Variants in GORAB observed in about 807,000 individuals in gnomAD.
GORAB encodes the protein RAB6-interacting golgin.
A neutral mutation model predicts 29.9 loss-of-function variants in GORAB; 17 were observed. The ratio of observed to expected loss-of-function variants is 0.57; its 90% confidence interval spans 0.39 to 0.85. The LOEUF (loss-of-function observed/expected upper bound fraction) is 0.85. GORAB is among the 40% of genes least tolerant of loss of function. The probability of loss-of-function intolerance (pLI) is 0.00; values close to 1 mark genes in which losing one functional copy is unlikely to be tolerated. For missense variants in GORAB, 442 were observed against 437.8 expected, an observed-to-expected ratio of 1.01 and a Z score of -0.09; for synonymous variants, 183 against 157.2, an observed-to-expected ratio of 1.16 and a Z score of -1.23.
chr1:170,547,807 A>T (rs1649851422), intron 4 of GORAB, among the ~76,000 whole-genome samples: 1 of 152,228 alleles, frequency 6.6e-6, no homozygotes, highest in Non-Finnish European at 1.5e-5. Flanking sequence ...GATAGTCTAG[A>T]TACTTGTAAA....
chr1:170,539,165 T>G (rs1348595626), intron 1 of GORAB, 45 bp from the exon 2 acceptor site: 1 of 1,609,714 alleles, frequency 6.2e-7, no homozygotes, highest in Non-Finnish European at 8.5e-7. Context: ...TTATAATTAT[T>G]TGCTGCCCAC....
At chr1:170,539,961 T>C (rs1212941033) in intron 2 of GORAB, among the ~76,000 whole-genome samples, 1 of 151,720 alleles carries the variant, frequency 6.6e-6, no homozygotes, top group Non-Finnish European at 1.5e-5. Context: ...AGTTCTTTTT[T>C]TCTTTCTTTT....
intron 1 of GORAB, chr1:170,532,593 T>C (rs1018488595): frequency 2.6e-6 from 1 of 383,702 alleles, no homozygotes; most frequent in Non-Finnish European, 4.9e-6. Flanking sequence ...GTGTCTCCCT[T>C]AGGGAAGATT....
intron 4 of GORAB, among the ~76,000 whole-genome samples, chr1:170,550,569 G>A (rs1361726034): frequency 2.0e-5 from 3 of 152,186 alleles, no homozygotes; most frequent in Non-Finnish European, 2.9e-5. Context: ...TGACCGAAAT[G>A]GGTACACATG....
chr1:170,535,294 T>C (rs917851210), intron 1 of GORAB, among the ~76,000 whole-genome samples: 2 of 152,242 alleles, frequency 1.3e-5, no homozygotes, highest in Admixed American at 6.5e-5. Context: ...TCTTAAACTT[T>C]CTTTTTAATC....
chr1:170,539,140 A>G (rs991261881), intron 1 of GORAB, 70 bp from the exon 2 acceptor site: 133 of 1,571,778 alleles, frequency 8.5e-5, no homozygotes, highest in Non-Finnish European at 1.1e-4. Context: ...TTAATTTTTT[A>G]TTTTCTTAGA....
Position 170,544,820 on chromosome 1 carries a change from G to T in GORAB, c.637G>T (p.Ala213Ser). The change falls in exon 4 of 5, where the codon GCC becomes TCC. Residue 213 changes from alanine (A) to serine (S), a missense_variant. Ala to Ser is a moderately conservative substitution (Grantham distance 99). Transcript: ENST00000367763. ...IGILRNRIDQASLDYSYARKR... is the reference protein window; with the variant it reads ...IGILRNRIDQSSLDYSYARKR... Reference sequence around the variant, plus strand: ...AATTCTCAGGAACCGGATTGATCAGGCCAGCTTAGACTATTCATACGCTCG... The same window carrying T: ...AATTCTCAGGAACCGGATTGATCAGTCCAGCTTAGACTATTCATACGCTCG... 6.2e-7 allele frequency: 1 copy of T among 1,613,970 alleles called. No homozygotes were observed. The highest frequency in any genetic ancestry group is 1.1e-5 in the South Asian group (1 of 91,058).
chr1:170,534,258 T>C (rs1309734827), intron 1 of GORAB, among the ~76,000 whole-genome samples: 1 of 152,234 alleles, frequency 6.6e-6, no homozygotes, highest in Non-Finnish European at 1.5e-5. Context: ...AAATGTTTGT[T>C]AATACAGTAT....
chr1:170,533,393 T>C, intron 1 of GORAB: 1 of 318,884 alleles, frequency 3.1e-6, no homozygotes, highest in South Asian at 2.5e-5. Context: ...TAACTGACTC[T>C]GTGTTGCTTG....
intron 1 of GORAB, among the ~76,000 whole-genome samples, chr1:170,535,220 T>C (rs1045896541): frequency 3.9e-5 from 6 of 152,226 alleles, no homozygotes; most frequent in African/African-American, 1.4e-4. Context: ...AAATTCTCTC[T>C]TCTAAAAGGA....
intron 1 of GORAB, among the ~76,000 whole-genome samples, chr1:170,536,962 A>G (rs1192221188): frequency 1.3e-5 from 2 of 152,216 alleles, no homozygotes. Flanking sequence ...CAGGGCTTAA[A>G]TAAAGGATAT....
Position 170,553,264 on chromosome 1 carries a change from C to CT in GORAB, c.*805dup, listed in dbSNP as rs1287785913. ...GATTATCAAAAAAAGTATGTATTTT[C>CT]TTTCTAAAGTTATCTATAAATATGT... On this transcript the variant is annotated 3_prime_UTR_variant, in exon 5 of 5. Coordinates refer to ENST00000367763, the MANE Select transcript of GORAB (RefSeq NM_152281.3). The CT allele has an allele frequency of 4.5e-6, 2 of 448,234 alleles. No homozygotes were observed. Among genetic ancestry groups the CT allele is most frequent in the Non-Finnish European group, 8.9e-6 (2 of 225,108 alleles). 27.8% of individuals were successfully genotyped at this position (448,234 alleles called of 1,614,324 possible). A position where few individuals can be genotyped will look rare whatever the true frequency, so the allele number is the denominator to read the frequency against.
At chr1:170,548,549 C>G (rs1399353953) in intron 4 of GORAB, among the ~76,000 whole-genome samples, 3 of 152,142 alleles carry the variant, frequency 2.0e-5, no homozygotes, top group African/African-American at 7.2e-5. Flanking sequence ...CTCCACTTTG[C>G]AAATACTGGA....
intron 1 of GORAB, among the ~76,000 whole-genome samples, chr1:170,537,717 CCA>C (rs1649148221): frequency 6.6e-6 from 1 of 152,126 alleles, no homozygotes; most frequent in Non-Finnish European, 1.5e-5. Context: ...TCTCAGTTCA[CCA>C]CAGTCTCCTT....
chr1:170,542,672 C>T, intron 3 of GORAB, 80 bp downstream of exon 3: 3 of 941,340 alleles, frequency 3.2e-6, no homozygotes, highest in South Asian at 1.3e-5. Flanking sequence ...TCCCATGTCT[C>T]TTTTAATAAA....
chr1:170,539,602 T>G, intron 2 of GORAB, 35 bp downstream of exon 2: 1 of 1,600,996 alleles, frequency 6.2e-7, no homozygotes, highest in Non-Finnish European at 8.5e-7. Context: ...CATGAGACTT[T>G]TCATTTAACC....
chr1:170,535,233 AT>A lies in GORAB; in HGVS notation c.61+2951del, dbSNP rs1648985154. 8.5e-5 allele frequency among the ~76,000 whole-genome samples: 13 copies of A among 152,304 alleles called. No homozygotes were observed. The South Asian group carries it at 2.7e-3, about 32-fold the overall frequency. On this transcript the variant is annotated intron_variant, in intron 1 of 4. Transcript: ENST00000367763. The stretch of plus-strand genomic sequence containing the variant: ...ATAAATTCTCTCTTCTAAAAGGAGG[AT>A]TATGTCTATCCTTAAAGAGTAGTTA...
At chr1:170,532,521 G>A (rs898236858) in intron 1 of GORAB, 40 of 513,868 alleles carry the variant, frequency 7.8e-5, no homozygotes, top group Non-Finnish European at 1.3e-4. Context: ...GGAATCCACT[G>A]TAGGGATTTG....
At chr1:170,545,689 TA>T in intron 4 of GORAB, 1 of 984,534 alleles carries the variant, frequency 1.0e-6, no homozygotes, top group Non-Finnish European at 1.2e-6. Context: ...AATGCCTCAT[TA>T]GGCCAGGGTA....
Sources: gnomAD v4.1 joint callset for allele counts (sites outside exome capture counted in the v4.1 genomes callset) on GRCh38, gnomAD v4.1.1 for gene constraint, MANE v1.5 for transcripts, NCBI Gene and HGNC (gene_info 2026-07-23, HGNC 2026-07-21) for gene names.